Variants in ARID4A observed in about 807,000 individuals in gnomAD.
ARID4A encodes AT-rich interaction domain 4A.
In ARID4A, 39 loss-of-function variants were observed where a neutral mutation model predicts 148.6. The observed-to-expected ratio is 0.26, with a 90% CI of 0.20 to 0.34. ARID4A has a LOEUF of 0.34. Ranked by LOEUF, ARID4A falls within the 10% of genes least tolerant of loss-of-function variation. ARID4A has a pLI of 1.00. For synonymous variants in ARID4A, 475 were observed against 481.2 expected (o/e 0.99, Z 0.17); for missense variants, 1,265 against 1,449.1 (o/e 0.87, Z 2.06).
Position 58,364,288 on chromosome 14 carries a change from TGAA to T in ARID4A, c.2203_2205del (p.Glu735del). 1 of 1,561,624 alleles carries T rather than the reference TGAA, an allele frequency of 6.4e-7. No individual in the cohort carries two copies. ...AAAATTTGAATGATGATAAGCTAGA[TGAA>T]GAAAATCCAAAGATTTCTGCACATA... is the stretch of plus-strand genomic sequence containing the variant. On this transcript the variant is annotated inframe_deletion, in exon 20 of 24. Coordinates refer to ENST00000355431, the MANE Select transcript of ARID4A (RefSeq NM_002892.4).
At chr14:58,322,980 A>AAAAATATAT (rs1255021613) in intron 7 of ARID4A, among the ~76,000 whole-genome samples, 1 of 114,314 alleles carries the variant, frequency 8.7e-6, no homozygotes, top group African/African-American at 3.5e-5. Context: ...AAAAAAAAAA[A>AAAAATATAT]ATATATATAT....
chr14:58,361,860 T>C (rs1020810698), intron 19 of ARID4A, among the ~76,000 whole-genome samples: 16 of 152,206 alleles, frequency 1.1e-4, no homozygotes, highest in African/African-American at 3.9e-4. Flanking sequence ...GCATTTTGGA[T>C]TTCAGGTTTT....
chr14:58,344,316 A>G (rs372812450), intron 11 of ARID4A, among the ~76,000 whole-genome samples: 14 of 152,224 alleles, frequency 9.2e-5, no homozygotes, highest in Admixed American at 3.9e-4. Context: ...TGATATAATG[A>G]ACATGTGTCA....
At chr14:58,335,697 C>G (rs898432500) in intron 11 of ARID4A, among the ~76,000 whole-genome samples, 7 of 152,144 alleles carry the variant, frequency 4.6e-5, no homozygotes, top group African/African-American at 1.7e-4. Context: ...CCTATCCTTT[C>G]CCTGGCTGTC....
chr14:58,349,337 C>T (rs1301043019), intron 15 of ARID4A, among the ~76,000 whole-genome samples: 4 of 152,034 alleles, frequency 2.6e-5, no homozygotes, highest in Non-Finnish European at 5.9e-5. Flanking sequence ...AAGATTTTCT[C>T]CCAGTTTTTT....
intron 8 of ARID4A, 83 bp from the exon 9 acceptor site, chr14:58,328,154 G>A: frequency 1.1e-6 from 1 of 932,168 alleles, no homozygotes; most frequent in African/African-American, 1.7e-5. Context: ...AGAAGTTAGG[G>A]GATCCAGAAT....
intron 17 of ARID4A, among the ~76,000 whole-genome samples, chr14:58,356,498 A>G (rs1444222656): frequency 2.0e-5 from 3 of 152,166 alleles, no homozygotes; most frequent in Non-Finnish European, 4.4e-5. Context: ...TTAATAAAGT[A>G]CAGATGTTTA....
In ARID4A at chr14:58,372,920, TA is replaced by T. The variant is rs1212294018; in HGVS notation, c.*938del. The T allele has an allele frequency of 2.2e-5, 4 of 181,900 alleles. No individual in the cohort carries two copies. The highest frequency in any genetic ancestry group is 9.0e-5 in the East Asian group (1 of 11,134). The allele number at this position is 181,900 out of a possible 1,614,324, so 11.3% of individuals were successfully genotyped here. A position where few individuals can be genotyped will look rare whatever the true frequency, so the allele number is the denominator to read the frequency against. On this transcript the variant is annotated 3_prime_UTR_variant, in exon 24 of 24. Transcript: ENST00000355431. ...TATTTTTTAAAATATTAATAAAATT[TA>T]AAAAAAGAAAATTCTAGGTTAATTC...
At chr14:58,348,889 T>C (rs1330741924) in intron 15 of ARID4A, among the ~76,000 whole-genome samples, 2 of 152,176 alleles carry the variant, frequency 1.3e-5, no homozygotes, top group Non-Finnish European at 2.9e-5. Flanking sequence ...CCTTAACTCT[T>C]TTTAAGTGTA....
Position 58,299,796 on chromosome 14 carries a change from A to G in ARID4A, c.-57-2A>G. The G allele has an allele frequency of 1.9e-6, 3 of 1,613,312 alleles. No individual in the cohort carries two copies. Among genetic ancestry groups the G allele is most frequent in the Non-Finnish European group, 1.7e-6 (2 of 1,179,322 alleles). On this transcript the variant is annotated splice_acceptor_variant, in intron 1 of 23. Transcript: ENST00000355431. LOFTEE classifies it low-confidence loss of function (5UTR_SPLICE). The stretch of plus-strand genomic sequence containing the variant: ...TGTGCCTGTCTTTCCCCCTCCCCAT[A>G]GTTCTAGCGACTGCGAAGATAGCTC...
Position 58,311,455 on chromosome 14 carries a change from A to G in ARID4A, c.274+5343A>G, listed in dbSNP as rs566929426. Reference sequence around the variant, plus strand: ...AAAGGTTACAAGCACTGGCAAGGATATGGAGAAAAGGGAATCCTTGCCCGC... The same window carrying G: ...AAAGGTTACAAGCACTGGCAAGGATGTGGAGAAAAGGGAATCCTTGCCCGC... On this transcript the variant is annotated intron_variant, in intron 5 of 23. Transcript: ENST00000355431. Among the ~76,000 whole-genome samples the G allele has an allele frequency of 4.6e-5, 7 of 152,296 alleles. No individual in the cohort carries two copies. In the East Asian group the frequency reaches 7.7e-4, roughly 17 times the overall value.
intron 16 of ARID4A, among the ~76,000 whole-genome samples, chr14:58,352,732 A>T (rs1178804067): frequency 6.6e-6 from 1 of 152,186 alleles, no homozygotes; most frequent in Non-Finnish European, 1.5e-5. Flanking sequence ...TATATTTATT[A>T]CAGAGCCCAG....
chr14:58,347,767 T>C lies in ARID4A; in HGVS notation c.1293T>C (p.Ala431=), dbSNP rs1466800333. 6.2e-7 allele frequency: 1 copy of C among 1,613,622 alleles called. No individual in the cohort carries two copies. Among genetic ancestry groups the C allele is most frequent in the Admixed American group, 1.7e-5 (1 of 60,002 alleles). The change falls in exon 15 of 24, where the codon GCT becomes GCC. Residue 431 remains alanine (A), a synonymous_variant. Coordinates refer to ENST00000355431, the MANE Select transcript of ARID4A (RefSeq NM_002892.4). ...KKDLEESMEE[A]LKLDQEMPLT... ...ACTTAGAAGAATCAATGGAAGAGGC[T>C]CTCAAATTAGATCAAGAAATGCCTT...
intron 10 of ARID4A, 92 bp from the exon 11 acceptor site, chr14:58,329,911 A>T: frequency 6.6e-7 from 1 of 1,513,100 alleles, no homozygotes; most frequent in Non-Finnish European, 8.8e-7. Flanking sequence ...GCCGAATTTG[A>T]ATTCAGATCT....
rs567770860 is a variant in ARID4A at position 58,326,243 on chromosome 14, C to A, written c.583-1994C>A. 5.3e-5 allele frequency among the ~76,000 whole-genome samples: 8 copies of A among 152,268 alleles called. No homozygotes were observed. In the East Asian group the frequency reaches 1.5e-3, roughly 29 times the overall value. ...ACGAGGTCAGGAGATCGAGACCATC[C>A]TGGCTAACATGGTGAAACCCTGTCG... is the stretch of plus-strand genomic sequence containing the variant. On this transcript the variant is annotated intron_variant, in intron 8 of 23. Transcript: ENST00000355431.
At chr14:58,365,679 G>T in intron 21 of ARID4A, 57 bp downstream of exon 21, 1 of 1,466,144 alleles carries the variant, frequency 6.8e-7, no homozygotes. Flanking sequence ...GCAGTTTGTT[G>T]GCTTGTTTTA....
rs150904826 is a variant in ARID4A, at chr14:58,305,304, T to C, written c.183+295T>C. On this transcript the variant is annotated intron_variant, in intron 4 of 23. Transcript: ENST00000355431. ...ATACCTGGCTTTGTTTTTCACATTG[T>C]TGCTGTATCTGAGGTGATGTTTAGC... 2.2e-3 allele frequency among the ~76,000 whole-genome samples: 332 copies of C among 152,268 alleles called. 2 individuals are homozygous for C. The highest frequency in any genetic ancestry group is 6.8e-3 in the Middle Eastern group (2 of 292).
Position 58,365,025 on chromosome 14 carries a change from C to T in ARID4A, c.2936C>T (p.Ala979Val), listed in dbSNP as rs1435584859. ...EKDKTSIEDV[A>V]VESSESNSLV... ...GATAAGACCAGCATTGAGGATGTAG[C>T]AGTTGAAAGCTCTGAGTCTAACTCT... Residue 979 changes from alanine to valine, a missense_variant, in exon 20 of 24, where the codon GCA becomes GTA. Ala to Val is a moderately conservative substitution (Grantham distance 64). This residue lies in a region of ARID4A where 666 missense variants were observed against 730.9 expected (regional missense o/e 0.91). Coordinates refer to ENST00000355431, the MANE Select transcript of ARID4A (RefSeq NM_002892.4). 12 of 1,614,016 alleles carry T rather than the reference C, an allele frequency of 7.4e-6. No individual in the cohort carries two copies. The highest frequency in any genetic ancestry group is 1.6e-4 in the Middle Eastern group (1 of 6,084).
chr14:58,350,940 C>T (rs2034610349), intron 15 of ARID4A, 133 bp from the exon 16 acceptor site: 1 of 732,608 alleles, frequency 1.4e-6, no homozygotes, highest in Non-Finnish European at 2.1e-6. Context: ...GAGAAAGGTA[C>T]CTTTGAGTTG....
Sources: gnomAD v4.1 joint callset for allele counts (sites outside exome capture counted in the v4.1 genomes callset) on GRCh38, gnomAD v4.1.1 for gene constraint, gnomAD v4.1.1 regional missense constraint, MANE v1.5 for transcripts, NCBI Gene and HGNC (gene_info 2026-07-23, HGNC 2026-07-21) for gene names.